The following ZNF638 variants were observed in gnomAD, a reference collection of about 807,000 sequenced individuals.
The protein encoded by ZNF638 is CTCL tumor antigen se33-1.
Under a neutral mutation model 195.6 loss-of-function variants are expected in ZNF638, and 46 were observed. The observed-to-expected ratio is 0.24, with a 90% CI of 0.19 to 0.30. The LOEUF is 0.30. Among genes scored for constraint, ZNF638 ranks in the 10% least tolerant of loss-of-function variants. ZNF638 has a pLI of 1.00. For missense variants in ZNF638, 2,440 were observed against 2,325.3 expected, an observed-to-expected ratio of 1.05 and a Z score of -1.01; for synonymous variants, 845 against 772.0, an observed-to-expected ratio of 1.09 and a Z score of -1.57.
chr2:71,386,550 G>A (rs551848263), intron 10 of ZNF638, among the ~76,000 whole-genome samples: 79 of 152,170 alleles, frequency 5.2e-4, no homozygotes, highest in African/African-American at 1.9e-3. Context: ...CAAGAGGCAT[G>A]GAAATTGGAA....
At chr2:71,400,658 T>G in intron 15 of ZNF638, 140 bp downstream of exon 15, 1 of 694,452 alleles carries the variant, frequency 1.4e-6, no homozygotes, top group East Asian at 3.2e-5. Context: ...AAAACATGAT[T>G]TTTAGAAAGG....
chr2:71,348,979 C>T lies in ZNF638; in HGVS notation c.25C>T (p.Arg9Ter), dbSNP rs781719825. The change falls in exon 2 of 28, where the codon CGA becomes TGA. Residue 9 changes from arginine (R) to a stop codon, truncating the protein, a stop_gained. Coordinates refer to ENST00000264447, the MANE Select transcript of ZNF638 (RefSeq NM_014497.5). LOFTEE classifies it high-confidence loss of function. MSRPRFNP[R>*]GDFPLQRPRA... ...CATGTCGAGACCCAGGTTTAATCCT[C>T]GAGGAGACTTTCCACTTCAAAGGCC... 1.9e-6 allele frequency: 3 copies of T among 1,614,122 alleles called. No homozygotes were observed. The highest frequency in any genetic ancestry group is 2.2e-5 in the East Asian group (1 of 44,884).
At chr2:71,333,324 A>G (rs561333392) in intron 1 of ZNF638, among the ~76,000 whole-genome samples, 19 of 152,160 alleles carry the variant, frequency 1.2e-4, no homozygotes, top group Non-Finnish European at 2.8e-4. Context: ...TTGGGGATTT[A>G]TTTGTCTTGG....
chr2:71,422,759 A>C, intron 21 of ZNF638, 55 bp from the exon 22 acceptor site: 1 of 1,538,012 alleles, frequency 6.5e-7, no homozygotes, highest in Non-Finnish European at 8.8e-7. Flanking sequence ...TCATAGTTTG[A>C]TTTTTGTTTG....
chr2:71,402,124 A>G (rs2080018605), intron 16 of ZNF638, 37 bp downstream of exon 16: 2 of 1,547,374 alleles, frequency 1.3e-6, no homozygotes, highest in East Asian at 4.6e-5. Context: ...ATCCTCTGCA[A>G]GCATGCATGC....
intron 10 of ZNF638, among the ~76,000 whole-genome samples, chr2:71,385,049 A>G (rs2079609526): frequency 6.6e-6 from 1 of 152,204 alleles, no homozygotes; most frequent in South Asian, 2.1e-4. Flanking sequence ...GGAAATGAGA[A>G]AAGGTGGGGG....
At chr2:71,392,930 A>G (rs888303222) in intron 10 of ZNF638, among the ~76,000 whole-genome samples, 2 of 152,204 alleles carry the variant, frequency 1.3e-5, no homozygotes, top group South Asian at 2.1e-4. Context: ...ATTAGCGCAC[A>G]TGCTCTTCCT....
intron 27 of ZNF638, 63 bp downstream of exon 27, chr2:71,433,346 ATC>A: frequency 8.4e-7 from 1 of 1,192,712 alleles, no homozygotes; most frequent in Non-Finnish European, 1.2e-6. Flanking sequence ...CAAATTATTT[ATC>A]TCCCCAAACG....
intron 21 of ZNF638, 26 bp downstream of exon 21, chr2:71,418,665 CT>C (rs746264770): frequency 6.7e-7 from 1 of 1,501,468 alleles, no homozygotes; most frequent in South Asian, 1.3e-5. Flanking sequence ...TTTACTAACA[CT>C]TTTGTATAGT....
At chr2:71,399,421 A>G (rs1462145556) in intron 12 of ZNF638, 138 bp from the exon 13 acceptor site, 4 of 634,056 alleles carry the variant, frequency 6.3e-6, no homozygotes, top group Non-Finnish European at 1.1e-5. Flanking sequence ...AGGTACTGAA[A>G]ATAAATAGAA....
chr2:71,388,922 G>A (rs541608370), intron 10 of ZNF638, among the ~76,000 whole-genome samples: 1 of 152,170 alleles, frequency 6.6e-6, no homozygotes, highest in Non-Finnish European at 1.5e-5. Flanking sequence ...ATAATCCATG[G>A]TTCCCAGCAG....
At chr2:71,383,745 T>C (rs1309975810) in intron 10 of ZNF638, among the ~76,000 whole-genome samples, 2 of 121,706 alleles carry the variant, frequency 1.6e-5, no homozygotes, top group Admixed American at 9.0e-5. Context: ...CTAATTTTTC[T>C]TTTTTTTTTT....
At chr2:71,348,699 C>T (rs542705930) in intron 1 of ZNF638, 54 bp from the exon 2 acceptor site, 169 of 1,431,914 alleles carry the variant, frequency 1.2e-4, no homozygotes, top group Middle Eastern at 3.7e-4. Flanking sequence ...GTAGAACCCA[C>T]TTCATGAAGT....
chr2:71,422,290 T>G (rs2080448656), intron 21 of ZNF638, among the ~76,000 whole-genome samples: 1 of 152,084 alleles, frequency 6.6e-6, no homozygotes, highest in Admixed American at 6.6e-5. Context: ...AAAAAAATAT[T>G]TTACATCCAA....
chr2:71,376,807 C>T (rs2104334839), intron 8 of ZNF638, among the ~76,000 whole-genome samples: 1 of 152,208 alleles, frequency 6.6e-6, no homozygotes, highest in African/African-American at 2.4e-5. Flanking sequence ...AACCTTGTAA[C>T]CTAGTCTTTA....
intron 20 of ZNF638, chr2:71,418,394 G>A (rs1381753191): frequency 2.7e-6 from 1 of 372,120 alleles, no homozygotes; most frequent in Non-Finnish European, 4.8e-6. Context: ...ATTAATATAA[G>A]TTATTGTGTG....
intron 21 of ZNF638, among the ~76,000 whole-genome samples, chr2:71,419,665 G>A (rs971840126): frequency 2.0e-5 from 3 of 152,276 alleles, no homozygotes; most frequent in African/African-American, 4.8e-5. Flanking sequence ...AGCAGTGTGT[G>A]ATGTGAAAGC....
intron 11 of ZNF638, among the ~76,000 whole-genome samples, chr2:71,397,732 G>A (rs1480792992): frequency 6.6e-6 from 1 of 152,108 alleles, no homozygotes; most frequent in Non-Finnish European, 1.5e-5. Flanking sequence ...ATCTTCTGTT[G>A]CTCTCTGAAT....
intron 10 of ZNF638, among the ~76,000 whole-genome samples, chr2:71,384,854 A>T (rs1249750639): frequency 6.6e-6 from 1 of 152,244 alleles, no homozygotes; most frequent in Non-Finnish European, 1.5e-5. Context: ...TGTTTAAAGA[A>T]AGTGATTTAC....
Sources: allele counts gnomAD v4.1 joint callset (sites outside exome capture counted in the v4.1 genomes callset), GRCh38; gene constraint gnomAD v4.1.1; transcripts MANE v1.5; gene names NCBI Gene and HGNC (gene_info 2026-07-23, HGNC 2026-07-21).